The following ZNF143 variants were observed in gnomAD, a reference collection of about 807,000 sequenced individuals.
The protein encoded by ZNF143 is SPH-binding factor.
Under a neutral mutation model 74.1 loss-of-function variants are expected in ZNF143, and 49 were observed. The observed-to-expected ratio is 0.66, with a 90% CI of 0.53 to 0.84. ZNF143 has a LOEUF of 0.84. Among genes scored for constraint, ZNF143 ranks in the 40% least tolerant of loss-of-function variants. The probability of loss-of-function intolerance (pLI) is 0.00; values close to 1 mark genes in which losing one functional copy is unlikely to be tolerated. For missense variants in ZNF143, 637 were observed against 793.4 expected, an observed-to-expected ratio of 0.80 and a Z score of 2.37; for synonymous variants, 304 against 282.8, an observed-to-expected ratio of 1.07 and a Z score of -0.75.
At chr11:9,492,676 C>A (rs1445834646) in intron 7 of ZNF143, among the ~76,000 whole-genome samples, 1 of 152,118 alleles carries the variant, frequency 6.6e-6, no homozygotes, top group African/African-American at 2.4e-5. Context: ...AGAAAAATTT[C>A]TTGTAATTCT....
rs775249386 is a variant in ZNF143, at chr11:9,516,269, G to A, written c.1593G>A (p.Thr531=). ...TCACAATGGTAACGCAGGATGGCACGCCCATCACAGTCCCCGCCCATGATG... is the reference window on the plus strand; with the variant it reads ...TCACAATGGTAACGCAGGATGGCACACCCATCACAGTCCCCGCCCATGATG... The part of the protein sequence containing the change: ...NTITMVTQDG[T]PITVPAHDAV... Residue 531 remains threonine (T), a synonymous_variant, in exon 14 of 16, where the codon ACG becomes ACA. Coordinates refer to ENST00000396602, the MANE Select transcript of ZNF143 (RefSeq NM_003442.6). 4 of 1,613,882 alleles carry A rather than the reference G, an allele frequency of 2.5e-6. No individual in the cohort carries two copies. The South Asian group carries it at 3.3e-5, about 13-fold the overall frequency.
At chr11:9,526,498 A>G (rs932034257) in intron 15 of ZNF143, among the ~76,000 whole-genome samples, 3 of 152,104 alleles carry the variant, frequency 2.0e-5, no homozygotes, top group African/African-American at 2.4e-5. Flanking sequence ...TGTTGGCTTT[A>G]TGTAGTTTAT....
At chr11:9,475,140 T>G (rs951857004) in intron 5 of ZNF143, among the ~76,000 whole-genome samples, 1 of 151,908 alleles carries the variant, frequency 6.6e-6, no homozygotes, top group African/African-American at 2.4e-5. Flanking sequence ...CCCAAAGTGC[T>G]GGGATTATAG....
At chr11:9,466,682 C>T (rs1224125273) in intron 1 of ZNF143, among the ~76,000 whole-genome samples, 1 of 152,124 alleles carries the variant, frequency 6.6e-6, no homozygotes, top group Non-Finnish European at 1.5e-5. Context: ...CTCAAGCCGT[C>T]TTCCCTCCTT....
chr11:9,503,603 C>G (rs1465062780), intron 11 of ZNF143, among the ~76,000 whole-genome samples: 1 of 147,218 alleles, frequency 6.8e-6, no homozygotes, highest in African/African-American at 2.5e-5. Flanking sequence ...CTCATTCCGA[C>G]TTTTGATTTG....
At chr11:9,517,481 A>C (rs1387364868) in intron 14 of ZNF143, among the ~76,000 whole-genome samples, 6 of 152,130 alleles carry the variant, frequency 3.9e-5, no homozygotes, top group Non-Finnish European at 8.8e-5. Context: ...ATGTATTCGT[A>C]ATTGTGATCA....
At chr11:9,514,716 C>CT (rs1848664765) in intron 13 of ZNF143, among the ~76,000 whole-genome samples, 2 of 152,322 alleles carry the variant, frequency 1.3e-5, no homozygotes, top group South Asian at 4.1e-4. Flanking sequence ...GAATATGACA[C>CT]TTTCTGGGAC....
chr11:9,525,420 G>A (rs1849088596), intron 15 of ZNF143, 34 bp downstream of exon 15: 1 of 1,613,472 alleles, frequency 6.2e-7, no homozygotes, highest in South Asian at 1.1e-5. Context: ...TCAGTCGACA[G>A]CAGTGCTGCT....
At chr11:9,467,487 C>T (rs1319474586) in intron 1 of ZNF143, among the ~76,000 whole-genome samples, 1 of 151,910 alleles carries the variant, frequency 6.6e-6, no homozygotes, top group African/African-American at 2.4e-5. Flanking sequence ...CCACCCGCCT[C>T]AGCCTTTCAA....
At chr11:9,483,139 A>G (rs1406049344) in intron 7 of ZNF143, among the ~76,000 whole-genome samples, 2 of 150,464 alleles carry the variant, frequency 1.3e-5, no homozygotes, top group Non-Finnish European at 2.9e-5. Flanking sequence ...GATTACAGGC[A>G]TGCACCACCA....
chr11:9,471,201 A>G (rs1856545231), intron 1 of ZNF143, 101 bp from the exon 2 acceptor site: 2 of 969,528 alleles, frequency 2.1e-6, no homozygotes, highest in Admixed American at 2.6e-5. Flanking sequence ...TTCCAACACC[A>G]TTACATCCTC....
intron 5 of ZNF143, among the ~76,000 whole-genome samples, chr11:9,475,351 C>T (rs1856814714): frequency 6.6e-6 from 1 of 152,144 alleles, no homozygotes. Flanking sequence ...CCCTGAATTC[C>T]TGGGCTCAAG....
At chr11:9,504,818 G>T (rs1848297861) in intron 11 of ZNF143, among the ~76,000 whole-genome samples, 1 of 116,696 alleles carries the variant, frequency 8.6e-6, no homozygotes, top group African/African-American at 2.7e-5. Context: ...GGGACTACAG[G>T]CACCTGCCAC....
intron 15 of ZNF143, chr11:9,525,597 A>G (rs1287701494): frequency 1.2e-5 from 7 of 607,210 alleles, no homozygotes. Context: ...TTCTAGGGGA[A>G]TTTATAGCAA....
rs769060641 is a variant in ZNF143, at chr11:9,471,279, A to T, written c.-7-23A>T. On this transcript the variant is annotated intron_variant, in intron 1 of 15. Coordinates refer to ENST00000396602, the MANE Select transcript of ZNF143 (RefSeq NM_003442.6). Reference sequence around the variant, plus strand: ...TTCACATGTATCATTCTTTGTTCCCAAGTGTCTTTATTTTTCTTCAAGGTA... The same window carrying T: ...TTCACATGTATCATTCTTTGTTCCCTAGTGTCTTTATTTTTCTTCAAGGTA... The T allele has an allele frequency of 1.3e-5, 21 of 1,559,076 alleles. No individual in the cohort carries two copies. In the South Asian group the frequency reaches 2.0e-4, roughly 15 times the overall value.
At chr11:9,485,842 A>G (rs538453773) in intron 7 of ZNF143, among the ~76,000 whole-genome samples, 1 of 151,702 alleles carries the variant, frequency 6.6e-6, no homozygotes, top group African/African-American at 2.4e-5. Flanking sequence ...ATTGTAAGTT[A>G]TAGCTGCCAT....
intron 7 of ZNF143, among the ~76,000 whole-genome samples, chr11:9,493,103 C>T (rs1361420661): frequency 6.8e-5 from 10 of 147,686 alleles, no homozygotes; most frequent in African/African-American, 2.3e-4. Context: ...CGGATTCTCA[C>T]TCTGTCTCCA....
intron 2 of ZNF143, among the ~76,000 whole-genome samples, chr11:9,471,997 A>G (rs1371744159): frequency 7.0e-6 from 1 of 142,504 alleles, no homozygotes; most frequent in Admixed American, 7.2e-5. Context: ...TGGTATGATC[A>G]CGGCTCACTG....
chr11:9,515,056 A>C (rs1381179261), intron 13 of ZNF143, among the ~76,000 whole-genome samples: 1 of 151,966 alleles, frequency 6.6e-6, no homozygotes, highest in Non-Finnish European at 1.5e-5. Context: ...TGAATCCAGG[A>C]AGCAGAGGTT....
Sources: allele counts gnomAD v4.1 joint callset (sites outside exome capture counted in the v4.1 genomes callset), GRCh38; gene constraint gnomAD v4.1.1; transcripts MANE v1.5; gene names NCBI Gene and HGNC (gene_info 2026-07-23, HGNC 2026-07-21).